PRP4K: variants seen among roughly 807,000 people sequenced by gnomAD.
PRP4K encodes serine/threonine-protein kinase PRP4 homolog.
chr6:4,038,378 C>G, the PRP4K span, among the ~76,000 whole-genome samples: 1 of 151,792 alleles, frequency 6.6e-6, no homozygotes, highest in Non-Finnish European at 1.5e-5. Context: ...CCTCCACCTC[C>G]TGAGTTCAAG....
chr6:4,026,086 C>T, the PRP4K span, among the ~76,000 whole-genome samples: 1 of 152,124 alleles, frequency 6.6e-6, no homozygotes, highest in Non-Finnish European at 1.5e-5. Flanking sequence ...ACCACAACCT[C>T]CGCCTCCTGG....
the PRP4K span, among the ~76,000 whole-genome samples, chr6:4,036,933 C>T: frequency 6.7e-6 from 1 of 148,462 alleles, no homozygotes; most frequent in African/African-American, 2.5e-5. Flanking sequence ...CTGCAGTGAC[C>T]CGTGTTTGCG....
chr6:4,041,094 A>T, the PRP4K span, among the ~76,000 whole-genome samples: 19 of 152,210 alleles, frequency 1.2e-4, no homozygotes, highest in African/African-American at 4.6e-4. Context: ...TGTATCACAG[A>T]GTTAGTAAGC....
the PRP4K span, among the ~76,000 whole-genome samples, chr6:4,034,236 CA>C: frequency 6.6e-6 from 1 of 151,974 alleles, no homozygotes; most frequent in Non-Finnish European, 1.5e-5. Context: ...ATTTCTGCGA[CA>C]AAACATATAG....
chr6:4,049,002 C>T, the PRP4K span: 1 of 1,601,222 alleles, frequency 6.2e-7, no homozygotes, highest in South Asian at 1.1e-5. Flanking sequence ...TTCATGTTGC[C>T]TCTTTAATTT....
At chr6:4,021,438 G>A in the PRP4K span, 2 of 1,585,734 alleles carry the variant, frequency 1.3e-6, no homozygotes, top group East Asian at 2.3e-5. Flanking sequence ...GGCCGCCGCG[G>A]AGACCCAGTC....
the PRP4K span, among the ~76,000 whole-genome samples, chr6:4,045,469 C>T: frequency 1.2e-4 from 19 of 152,324 alleles, no homozygotes; most frequent in African/African-American, 4.6e-4. Context: ...TTAGACATCA[C>T]AGCACACTTA....
At chr6:4,060,746 A>T in the PRP4K span, 3 of 823,350 alleles carry the variant, frequency 3.6e-6, no homozygotes, top group Non-Finnish European at 3.8e-6. The surrounding 1 kb of genome is among the most constrained non-coding windows in gnomAD (Gnocchi z 4.7). Flanking sequence ...TATTTGAATT[A>T]ACACCAAGGG....
At chr6:4,022,381 CTA>C in the PRP4K span, among the ~76,000 whole-genome samples, 11 of 150,018 alleles carry the variant, frequency 7.3e-5, no homozygotes, top group South Asian at 2.3e-3. Flanking sequence ...CTGTTCATGT[CTA>C]TGTTAGGAAA....
At chr6:4,047,898 A>ATG in the PRP4K span, among the ~76,000 whole-genome samples, 2 of 115,686 alleles carry the variant, frequency 1.7e-5, no homozygotes, top group African/African-American at 6.2e-5. Context: ...AGTCATGTAT[A>ATG]TGTACACACA....
chr6:4,047,492 A>C, the PRP4K span, among the ~76,000 whole-genome samples: 1 of 152,184 alleles, frequency 6.6e-6, no homozygotes. Context: ...AATGATAAAC[A>C]TGTCATTTGT....
chr6:4,059,479 T>C, the PRP4K span, among the ~76,000 whole-genome samples: 1 of 152,230 alleles, frequency 6.6e-6, no homozygotes, highest in Non-Finnish European at 1.5e-5. Context: ...TTTGTCCCAT[T>C]ATTATAGCAT....
chr6:4,049,227 A>C, the PRP4K span: 1 of 920,348 alleles, frequency 1.1e-6, no homozygotes, highest in African/African-American at 1.7e-5. Flanking sequence ...GCCATCTTTA[A>C]AAATTGTGGC....
At chr6:4,063,788 A>C in the PRP4K span, 1 of 152,184 alleles carries the variant, frequency 6.6e-6, no homozygotes, top group South Asian at 2.1e-4. Context: ...GATTGAATTT[A>C]TTTAGTGAAT....
chr6:4,053,764 T>A, the PRP4K span, among the ~76,000 whole-genome samples: 1 of 152,204 alleles, frequency 6.6e-6, no homozygotes, highest in Non-Finnish European at 1.5e-5. Flanking sequence ...TTTTTTAAAA[T>A]GGGTTCTCTT....
At chr6:4,054,452 G>A in the PRP4K span, among the ~76,000 whole-genome samples, 1 of 97,168 alleles carries the variant, frequency 1.0e-5, no homozygotes, top group East Asian at 4.4e-4. Context: ...CATTGAAATG[G>A]TAGGTACATT....
chr6:4,052,215 C>T, the PRP4K span: 2 of 1,136,746 alleles, frequency 1.8e-6, no homozygotes, highest in Non-Finnish European at 2.3e-6. Context: ...CCACACAGCT[C>T]TGGTTTTTGT....
the PRP4K span, chr6:4,061,336 A>G: frequency 2.0e-5 from 3 of 152,766 alleles, no homozygotes; most frequent in African/African-American, 4.8e-5. Context: ...AAATTGGAAG[A>G]GAACGCGCTT....
chr6:4,028,270 G>A, the PRP4K span, among the ~76,000 whole-genome samples: 11 of 152,132 alleles, frequency 7.2e-5, no homozygotes, highest in Non-Finnish European at 1.5e-4. Context: ...ACTCACTGCA[G>A]CCTTTAACTC....
Sources: gnomAD v4.1 joint callset for allele counts (sites outside exome capture counted in the v4.1 genomes callset) on GRCh38, gnomAD v4.1.1 for gene constraint, Gnocchi (gnomAD v3.1) non-coding constraint, MANE v1.5 for transcripts, NCBI Gene and HGNC (gene_info 2026-07-23, HGNC 2026-07-21) for gene names.